Variants in ZNF518B observed in about 807,000 individuals in gnomAD.
The protein encoded by ZNF518B is zinc finger protein 518B.
In ZNF518B, 23 loss-of-function variants were observed where a neutral mutation model predicts 56.3. The observed-to-expected ratio is 0.41, with a 90% confidence interval of 0.29 to 0.58. The LOEUF (loss-of-function observed/expected upper bound fraction) is 0.58. Ranked by LOEUF, ZNF518B falls within the 20% of genes least tolerant of loss-of-function variation. The probability of loss-of-function intolerance (pLI) is 0.32; values close to 1 mark genes in which losing one functional copy is unlikely to be tolerated. For synonymous variants in ZNF518B, 529 were observed against 465.9 expected (o/e 1.14, Z -1.74); for missense variants, 1,460 against 1,272.1 (o/e 1.15, Z -2.25).
chr4:10,443,513 C>T lies in ZNF518B; in HGVS notation c.2816G>A (p.Arg939Gln), dbSNP rs761306718. The change falls in exon 3 of 3, where the codon CGG becomes CAG. Residue 939 changes from arginine to glutamine, a missense_variant. By Grantham distance (43) the Arg-to-Gln change is conservative (BLOSUM62 1). Coordinates refer to ENST00000326756, the MANE Select transcript of ZNF518B (RefSeq NM_053042.3). Reference protein sequence around the residue: ...KPDQLIKCPRRNQPVIVLNHP... With the variant: ...KPDQLIKCPRQNQPVIVLNHP... ...GTTTAACACAATGACTGGCTGGTTC[C>T]GACGGGGACACTTAATCAACTGATC... 9 of 1,613,728 alleles carry T rather than the reference C, an allele frequency of 5.6e-6. No homozygotes were observed. Among genetic ancestry groups the T allele is most frequent in the Non-Finnish European group, 6.8e-6 (8 of 1,179,744 alleles).
rs1714742376 is a variant in ZNF518B, at chr4:10,442,825, G to C, written c.*279C>G. The C allele has an allele frequency of 2.7e-6, 1 of 374,122 alleles. No individual in the cohort carries two copies. Among genetic ancestry groups the C allele is most frequent in the East Asian group, 4.6e-5 (1 of 21,950 alleles). The allele number at this position is 374,122 out of a possible 1,614,324, so 23.2% of individuals were successfully genotyped here. A position where few individuals can be genotyped will look rare whatever the true frequency, so the allele number is the denominator to read the frequency against. On this transcript the variant is annotated 3_prime_UTR_variant, in exon 3 of 3. Transcript: ENST00000326756. Reference sequence around the variant, plus strand: ...AAAACGGGGTGCTAAACAAAGAAAAGTCTCAGATCCCACTGAAAATCTGTT... The same window carrying C: ...AAAACGGGGTGCTAAACAAAGAAAACTCTCAGATCCCACTGAAAATCTGTT...
In ZNF518B at chr4:10,441,648, T is replaced by C. The variant is rs1042575875; in HGVS notation, c.*1456A>G. On this transcript the variant is annotated 3_prime_UTR_variant, in exon 3 of 3. Transcript: ENST00000326756. The stretch of plus-strand genomic sequence containing the variant: ...TCTACCTGGAAGGTCAGCGCCCAGC[T>C]GCACAGGCAAGTGAAGACTAGAATC... 1 of 152,546 alleles carries C rather than the reference T, an allele frequency of 6.6e-6. No homozygotes were observed. The highest frequency in any genetic ancestry group is 1.5e-5 in the Non-Finnish European group (1 of 68,060). The allele number at this position is 152,546 out of a possible 1,614,324, so 9.4% of individuals were successfully genotyped here.
Position 10,444,085 on chromosome 4 carries a change from A to T in ZNF518B, c.2244T>A (p.Phe748Leu). 6.2e-7 allele frequency: 1 copy of T among 1,614,212 alleles called. No individual in the cohort carries two copies. The highest frequency in any genetic ancestry group is 1.3e-5 in the African/African-American group (1 of 75,048). Reference sequence around the variant, plus strand: ...TGGTTTTCCTATTACTGCCATCTGCAAAGTGTGGATATATTTGTTGATGAG... The same window carrying T: ...TGGTTTTCCTATTACTGCCATCTGCTAAGTGTGGATATATTTGTTGATGAG... ...QLTHQQIYPH[F>L]ADGSNRKTKS... The change falls in exon 3 of 3, where the codon TTT (phenylalanine) becomes TTA (leucine). Residue 748 changes from phenylalanine (F) to leucine (L), a missense_variant. Physicochemically the swap from Phe to Leu is conservative, Grantham distance 22. Transcript: ENST00000326756.
intron 2 of ZNF518B, among the ~76,000 whole-genome samples, chr4:10,447,833 G>A (rs71604001): frequency 2.0e-5 from 3 of 152,020 alleles, no homozygotes; most frequent in Non-Finnish European, 4.4e-5. Context: ...ATTTTTAGTA[G>A]AGACAGGGTT....
At chr4:10,450,033 G>A (rs1050618367) in intron 2 of ZNF518B, among the ~76,000 whole-genome samples, 3 of 152,150 alleles carry the variant, frequency 2.0e-5, no homozygotes, top group East Asian at 1.9e-4. Context: ...GTAAGATCAC[G>A]TCCATCAGCA....
rs1714814721 is a variant in ZNF518B, at chr4:10,443,886, G to C, written c.2443C>G (p.Pro815Ala). 1 of 1,614,062 alleles carries C rather than the reference G, an allele frequency of 6.2e-7. No homozygotes were observed. Among genetic ancestry groups the C allele is most frequent in the African/African-American group, 1.3e-5 (1 of 74,936 alleles). ...AAGTCTGAGTCCGCCTGTCTCACAG[G>C]GCAAAATGGAACTGGTTTTATTAAC... ...RQLIKPVPFC[P>A]VRQADSDLQP... The change falls in exon 3 of 3, where the codon CCT becomes GCT. Residue 815 changes from proline (P) to alanine (A), a missense_variant. Pro to Ala is a conservative substitution (Grantham distance 27). Coordinates refer to ENST00000326756, the MANE Select transcript of ZNF518B (RefSeq NM_053042.3).
Position 10,454,808 on chromosome 4 carries a change from C to T in ZNF518B, c.-215G>A, listed in dbSNP as rs1029766191. ...GCCACTTGAGCACTGTTCTTACTTC[C>T]TGCCTGTAGCCTTGGAGTTGCAGAT... On this transcript the variant is annotated 5_prime_UTR_variant, in exon 2 of 3. Transcript: ENST00000326756. 6.6e-6 allele frequency: 1 copy of T among 152,164 alleles called. No homozygotes were observed. Among genetic ancestry groups the T allele is most frequent in the African/African-American group, 2.4e-5 (1 of 41,446 alleles). 9.4% of individuals were successfully genotyped at this position (152,164 alleles called of 1,614,324 possible).
intron 2 of ZNF518B, among the ~76,000 whole-genome samples, chr4:10,447,947 C>T (rs1203885681): frequency 6.6e-6 from 1 of 152,176 alleles, no homozygotes; most frequent in Non-Finnish European, 1.5e-5. Context: ...CCGCACCTGG[C>T]CACAGTGACT....
chr4:10,445,353 C>T lies in ZNF518B; in HGVS notation c.976G>A (p.Gly326Ser), dbSNP rs1714944907. Residue 326 changes from glycine to serine, a missense_variant, in exon 3 of 3, where the codon GGT (glycine) becomes AGT (serine). Physicochemically the swap from Gly to Ser is moderately conservative, Grantham distance 56 (BLOSUM62 0). Coordinates refer to ENST00000326756, the MANE Select transcript of ZNF518B (RefSeq NM_053042.3). ...LSPAKEPVQP[G>S]MPLTVVAPAE... is the part of the protein sequence containing the mutation. ...GGTGCAACAACTGTCAATGGCATAC[C>T]TGGCTGAACAGGTTCTTTTGCAGGG... 1 of 1,614,222 alleles carries T rather than the reference C, an allele frequency of 6.2e-7. No individual in the cohort carries two copies. The highest frequency in any genetic ancestry group is 8.5e-7 in the Non-Finnish European group (1 of 1,180,038).
chr4:10,460,086 C>G (rs895951400), upstream of ZNF518B, among the ~76,000 whole-genome samples: 3 of 151,844 alleles, frequency 2.0e-5, no homozygotes, highest in Admixed American at 1.3e-4. Context: ...GGGCAGATCA[C>G]CTGAGGTCAG....
rs1442480615 is a variant in ZNF518B, at chr4:10,440,861, A to C, written c.*2243T>G. ...AATAGGAGATAAAAAAGTGGCAAAC[A>C]AAACAAAACAAAAAAAAACCACAGC... On this transcript the variant is annotated 3_prime_UTR_variant, in exon 3 of 3. Coordinates refer to ENST00000326756, the MANE Select transcript of ZNF518B (RefSeq NM_053042.3). 6.6e-6 allele frequency: 1 copy of C among 152,390 alleles called. No individual in the cohort carries two copies. The highest frequency in any genetic ancestry group is 2.4e-5 in the African/African-American group (1 of 41,420). The allele number at this position is 152,390 out of a possible 1,614,324, so 9.4% of individuals were successfully genotyped here.
chr4:10,445,275 C>A lies in ZNF518B; in HGVS notation c.1054G>T (p.Val352Phe), dbSNP rs989097718. ...ACAAGCTGCTGTGTACCATTGACAA[C>A]CTTCACATCTATCAACTGGGCTAAA... ...NCLAQLIDVK[V>F]VNGTQQLVLK... is the part of the protein sequence containing the mutation. Residue 352 changes from valine (V) to phenylalanine (F), a missense_variant, in exon 3 of 3, where the codon GTT becomes TTT. Physicochemically the swap from Val to Phe is conservative, Grantham distance 50. Transcript: ENST00000326756. 1.9e-6 allele frequency: 3 copies of A among 1,613,954 alleles called. No homozygotes were observed. The highest frequency in any genetic ancestry group is 2.5e-6 in the Non-Finnish European group (3 of 1,179,920).
upstream of ZNF518B, among the ~76,000 whole-genome samples, chr4:10,461,330 GC>G (rs1715737137): frequency 6.6e-6 from 1 of 152,198 alleles, no homozygotes; most frequent in Admixed American, 6.5e-5. Flanking sequence ...CAGCTCGGCC[GC>G]CGCGGCTGCC....
At position 10,440,520 on chromosome 4, in the gene ZNF518B, T is replaced by A. The variant is rs536044224; in HGVS notation, c.*2584A>T. 9.8e-5 allele frequency: 15 copies of A among 152,748 alleles called. No individual in the cohort carries two copies. In the South Asian group the frequency reaches 3.1e-3, roughly 32 times the overall value. The allele number at this position is 152,748 out of a possible 1,614,324, so 9.5% of individuals were successfully genotyped here. On this transcript the variant is annotated 3_prime_UTR_variant, in exon 3 of 3. Transcript: ENST00000326756. ...TATTGTTAGAAATGTGTTTATTTCA[T>A]AACATGTACCTACAGGTTAAGCTAT...
In ZNF518B at chr4:10,445,130, G is replaced by A. The variant is rs1714930776; in HGVS notation, c.1199C>T (p.Ala400Val). The A allele has an allele frequency of 1.2e-6, 2 of 1,613,936 alleles. No individual in the cohort carries two copies. Among genetic ancestry groups the A allele is most frequent in the African/African-American group, 1.3e-5 (1 of 74,892 alleles). ...GSNEQEKVLS[A>V]EKTKSLTVDG... is the part of the protein sequence containing the mutation. ...AACTGTCAGTGACTTTGTTTTTTCT[G>A]CAGAAAGTACTTTTTCTTGTTCATT... Residue 400 changes from alanine (A) to valine (V), a missense_variant, in exon 3 of 3, where the codon GCA (alanine) becomes GTA (valine). Physicochemically the swap from Ala to Val is moderately conservative, Grantham distance 64. Transcript: ENST00000326756.
rs1159347767 is a variant in ZNF518B, at chr4:10,452,704, T to C, written c.-212+2101A>G. ...AAACTATGCTCAAAATAATGCAATG[T>C]TATTACATTGCATTATACTACAAAA... On this transcript the variant is annotated intron_variant, in intron 2 of 2. Coordinates refer to ENST00000326756, the MANE Select transcript of ZNF518B (RefSeq NM_053042.3). 3 of 152,194 alleles carry C rather than the reference T, an allele frequency of 2.0e-5. 1 individual carries two copies. Among genetic ancestry groups the C allele is most frequent in the South Asian group, 2.1e-4 (1 of 4,826 alleles). 9.4% of individuals were successfully genotyped at this position (152,194 alleles called of 1,614,324 possible). A position where few individuals can be genotyped will look rare whatever the true frequency, so the allele number is the denominator to read the frequency against.
In ZNF518B at chr4:10,443,128, A is replaced by G. The variant is rs1172346188; in HGVS notation, c.3201T>C (p.Asp1067=). 1.2e-6 allele frequency: 2 copies of G among 1,613,362 alleles called. No individual in the cohort carries two copies. The highest frequency in any genetic ancestry group is 1.7e-5 in the Admixed American group (1 of 59,798). The change falls in exon 3 of 3, where the codon GAT becomes GAC. Residue 1067 remains aspartate (D), a synonymous_variant. Coordinates refer to ENST00000326756, the MANE Select transcript of ZNF518B (RefSeq NM_053042.3). ...CTTATTTGCCCTTGGAGGAAAGAAC[A>G]TCCCAATCTCTAGTTGCTTCTATCA... ...RHLIEATRDW[D]VLSSKGK
In ZNF518B at chr4:10,446,506, G is replaced by T; in HGVS notation, c.-178C>A. The T allele has an allele frequency of 1.8e-6, 1 of 567,116 alleles. No individual in the cohort carries two copies. Among genetic ancestry groups the T allele is most frequent in the Non-Finnish European group, 3.1e-6 (1 of 318,958 alleles). 35.1% of individuals were successfully genotyped at this position (567,116 alleles called of 1,614,324 possible). A position where few individuals can be genotyped will look rare whatever the true frequency, so the allele number is the denominator to read the frequency against. On this transcript the variant is annotated 5_prime_UTR_variant, in exon 3 of 3. Coordinates refer to ENST00000326756, the MANE Select transcript of ZNF518B (RefSeq NM_053042.3). ...CAGTAGGTGCATGATCCCAAAATAT[G>T]ACTGCTTTCAGCTCTCTGACATTCC...
rs1560168070 is a variant in ZNF518B at position 10,443,593 on chromosome 4, C to T, written c.2736G>A (p.Lys912=). The T allele has an allele frequency of 6.2e-7, 1 of 1,614,148 alleles. No homozygotes were observed. The highest frequency in any genetic ancestry group is 1.1e-5 in the South Asian group (1 of 91,082). The change falls in exon 3 of 3, where the codon AAG becomes AAA. Residue 912 remains lysine, a synonymous_variant. Transcript: ENST00000326756. ...KIQAEPSRCL[K]DPSIFQVARQ... ...TTGCAACCTGAAAAATTGAAGGATCCTTGAGACAGCGGCTAGGTTCAGCTT... is the reference window on the plus strand; with the variant it reads ...TTGCAACCTGAAAAATTGAAGGATCTTTGAGACAGCGGCTAGGTTCAGCTT...
Sources: gnomAD v4.1 joint callset for allele counts (sites outside exome capture counted in the v4.1 genomes callset) on GRCh38, gnomAD v4.1.1 for gene constraint, MANE v1.5 for transcripts, NCBI Gene and HGNC (gene_info 2026-07-23, HGNC 2026-07-21) for gene names.